Variants in SDK1 observed in about 807,000 individuals in gnomAD.
The protein encoded by SDK1 is sidekick cell adhesion molecule 1.
SDK1 carries 157 observed loss-of-function variants against 245.5 expected under a neutral mutation model. The observed-to-expected ratio is 0.64, with a 90% CI of 0.56 to 0.73. The LOEUF is 0.73. SDK1 is among the 30% of genes least tolerant of loss of function. SDK1 has a pLI of 0.00. For missense variants in SDK1, 3,583 were observed against 3,002.3 expected (o/e 1.19, Z -4.52); for synonymous variants, 1,647 against 1,278.5 (o/e 1.29, Z -6.15).
rs966447210 is a variant in SDK1, at chr7:4,052,178, C to A, written c.2911+348C>A. 4.3e-3 allele frequency among the ~76,000 whole-genome samples: 605 copies of A among 139,696 alleles called. 7 individuals carry two copies. Among genetic ancestry groups the A allele is most frequent in the African/African-American group, 0.017 (562 of 33,638 alleles). 91.6% of individuals were successfully genotyped at this position (139,696 alleles called of 152,430 possible). A position where few individuals can be genotyped will look rare whatever the true frequency, so the allele number is the denominator to read the frequency against. Reference sequence around the variant, plus strand: ...CACCTGCTTCCATGATCCCCCCCCCCCCGACGTCCCCCAGCCCATTCTTTC... The same window carrying A: ...CACCTGCTTCCATGATCCCCCCCCCACCGACGTCCCCCAGCCCATTCTTTC... On this transcript the variant is annotated intron_variant, in intron 19 of 44. Coordinates refer to ENST00000404826, the MANE Select transcript of SDK1 (RefSeq NM_152744.4).
rs150108941 is a variant in SDK1 at position 4,155,830 on chromosome 7, G to A, written c.4626-2618G>A. 7.9e-5 allele frequency among the ~76,000 whole-genome samples: 12 copies of A among 152,226 alleles called. 1 individual carries two copies. In the South Asian group the frequency reaches 1.2e-3, roughly 16 times the overall value. The stretch of plus-strand genomic sequence containing the variant: ...TTGGGATACAGCAGGAAAGGAGGCC[G>A]ACTCGGTCCCTGTCCTTGTGGATGT... On this transcript the variant is annotated intron_variant, in intron 30 of 44. Transcript: ENST00000404826.
chr7:3,412,173 T>G (rs1779228951), intron 1 of SDK1, among the ~76,000 whole-genome samples: 1 of 152,150 alleles, frequency 6.6e-6, no homozygotes, highest in South Asian at 2.1e-4. Flanking sequence ...TTAATACATT[T>G]ATATGGCTCA....
At chr7:3,514,629 A>C (rs1397665360) in intron 1 of SDK1, among the ~76,000 whole-genome samples, 2 of 152,030 alleles carry the variant, frequency 1.3e-5, no homozygotes, top group African/African-American at 2.4e-5. Flanking sequence ...ACGAAGGAGG[A>C]GAGTAGTAGA....
At chr7:4,199,750 G>A (rs1467978368) in intron 35 of SDK1, among the ~76,000 whole-genome samples, 1 of 152,142 alleles carries the variant, frequency 6.6e-6, no homozygotes, top group Non-Finnish European at 1.5e-5. Context: ...CTCACCTGGA[G>A]TGCTCTGCCT....
chr7:3,888,666 A>G (rs1781390998), intron 5 of SDK1, among the ~76,000 whole-genome samples: 1 of 152,216 alleles, frequency 6.6e-6, no homozygotes, highest in Admixed American at 6.5e-5. Flanking sequence ...AATTTAGTAC[A>G]GATCTAATTT....
At chr7:3,689,481 T>G (rs937352227) in intron 4 of SDK1, among the ~76,000 whole-genome samples, 2 of 152,208 alleles carry the variant, frequency 1.3e-5, no homozygotes, top group Non-Finnish European at 2.9e-5. Flanking sequence ...ATCAAGTTCT[T>G]GTACTGGCTC....
chr7:3,798,077 C>A (rs983962801), intron 4 of SDK1, among the ~76,000 whole-genome samples: 3 of 151,970 alleles, frequency 2.0e-5, no homozygotes, highest in African/African-American at 7.3e-5. Context: ...TTTACTAGAG[C>A]CTTTTTCCCA....
At chr7:3,360,492 G>A (rs1227002924) in intron 1 of SDK1, among the ~76,000 whole-genome samples, 2 of 152,222 alleles carry the variant, frequency 1.3e-5, no homozygotes, top group African/African-American at 4.8e-5. Context: ...GTGTGTGTTT[G>A]TGGGCGGAGT....
intron 13 of SDK1, among the ~76,000 whole-genome samples, chr7:3,981,132 C>A (rs556383769): frequency 6.6e-6 from 1 of 152,210 alleles, no homozygotes; most frequent in East Asian, 1.9e-4. Context: ...TGTCTCTGGT[C>A]ACATTTTGGG....
intron 4 of SDK1, among the ~76,000 whole-genome samples, chr7:3,799,630 G>T (rs147824043): frequency 0.013 from 1,970 of 151,304 alleles, 13 homozygotes; most frequent in South Asian, 0.021. Flanking sequence ...GCGTGAACCT[G>T]GGAGGCGGGG....
intron 1 of SDK1, among the ~76,000 whole-genome samples, chr7:3,576,828 T>C (rs1261143982): frequency 1.3e-5 from 2 of 152,066 alleles, no homozygotes; most frequent in Non-Finnish European, 2.9e-5. Flanking sequence ...GTAAATTATA[T>C]ACAGTGCATA....
rs200025932 is a variant in SDK1, at chr7:3,918,653, T to TC, written c.848-32264dup. On this transcript the variant is annotated intron_variant, in intron 5 of 44. Transcript: ENST00000404826. The stretch of plus-strand genomic sequence containing the variant: ...ATGCACTTGAATCATCCTGAAACCA[T>TC]CCCCCCGACATTGGTAGAAAAACTG... 2.0e-3 allele frequency among the ~76,000 whole-genome samples: 305 copies of TC among 152,116 alleles called. 1 individual carries two copies. Among genetic ancestry groups the TC allele is most frequent in the African/African-American group, 6.1e-3 (255 of 41,482 alleles).
At chr7:4,191,863 C>T (rs533192276) in intron 35 of SDK1, among the ~76,000 whole-genome samples, 55 of 152,326 alleles carry the variant, frequency 3.6e-4, no homozygotes, top group Non-Finnish European at 5.7e-4. Flanking sequence ...CTCCCAGGGC[C>T]GCGCGTCACG....
At chr7:4,171,628 G>A (rs1364008679) in intron 32 of SDK1, among the ~76,000 whole-genome samples, 1 of 152,222 alleles carries the variant, frequency 6.6e-6, no homozygotes, top group African/African-American at 2.4e-5. Context: ...GAGCAGAGCC[G>A]GCACCAAGGT....
chr7:4,163,897 A>G (rs913209126), intron 32 of SDK1, among the ~76,000 whole-genome samples: 8 of 152,208 alleles, frequency 5.3e-5, no homozygotes, highest in African/African-American at 1.9e-4. Flanking sequence ...ATTCAACCTG[A>G]TATCACTTGC....
intron 4 of SDK1, among the ~76,000 whole-genome samples, chr7:3,797,278 C>T (rs1184012567): frequency 2.0e-5 from 3 of 152,104 alleles, no homozygotes; most frequent in African/African-American, 7.2e-5. Flanking sequence ...CTGCCACACC[C>T]GTCCCATATA....
chr7:3,490,313 G>C (rs1781829742), intron 1 of SDK1, among the ~76,000 whole-genome samples: 1 of 152,156 alleles, frequency 6.6e-6, no homozygotes, highest in African/African-American at 2.4e-5. Context: ...GAAGAGAAAT[G>C]AATTCCCTGG....
intron 5 of SDK1, among the ~76,000 whole-genome samples, chr7:3,924,773 C>CCCT (rs1039054962): frequency 1.3e-5 from 2 of 152,156 alleles, no homozygotes; most frequent in Non-Finnish European, 2.9e-5. Flanking sequence ...TTACCCGTCG[C>CCCT]CCTCCTCCTA....
At chr7:4,170,873 G>A (rs1340060703) in intron 32 of SDK1, among the ~76,000 whole-genome samples, 2 of 152,138 alleles carry the variant, frequency 1.3e-5, no homozygotes, top group African/African-American at 4.8e-5. Context: ...GGACACCTGT[G>A]AGTGACTGTT....
Sources: allele counts gnomAD v4.1 joint callset (sites outside exome capture counted in the v4.1 genomes callset), GRCh38; gene constraint gnomAD v4.1.1; transcripts MANE v1.5; gene names NCBI Gene and HGNC (gene_info 2026-07-23, HGNC 2026-07-21).